The following TTC5 variants were observed in gnomAD, a reference collection of about 807,000 sequenced individuals.
TTC5 encodes the protein tetratricopeptide repeat protein 5.
In TTC5, 46 loss-of-function variants were observed where a neutral mutation model predicts 57.4. The ratio of observed to expected loss-of-function variants is 0.80; its 90% CI spans 0.63 to 1.03. The LOEUF (loss-of-function observed/expected upper bound fraction) is 1.03, where lower values mean the gene tolerates loss of function less well. Ranked by LOEUF, TTC5 falls within the 50% of genes least tolerant of loss-of-function variation. TTC5 has a pLI of 0.00. For synonymous variants in TTC5, 190 were observed against 203.5 expected, an observed-to-expected ratio of 0.93 and a Z score of 0.57; for missense variants, 504 against 528.1, an observed-to-expected ratio of 0.95 and a Z score of 0.45.
chr14:20,303,483 T>A (rs61995501), intron 1 of TTC5, among the ~76,000 whole-genome samples: 91,360 of 152,016 alleles, frequency 0.6, 29,379 homozygotes, highest in Non-Finnish European at 0.71. Flanking sequence ...TATAATCACT[T>A]CCCTTCGAGT....
In TTC5 at chr14:20,287,478, T is replaced by C. The variant is rs1183051369; in HGVS notation, c.*2149A>G. 1 of 152,226 alleles carries C rather than the reference T, an allele frequency of 6.6e-6. No homozygotes were observed. The highest frequency in any genetic ancestry group is 1.5e-5 in the Non-Finnish European group (1 of 68,030). The allele number at this position is 152,226 out of a possible 1,614,324, so 9.4% of individuals were successfully genotyped here. A position where few individuals can be genotyped will look rare whatever the true frequency, so the allele number is the denominator to read the frequency against. ...GGATGAATAAATTATGGTATAATCA[T>C]ACAATGAGATTTATATAGCTGTGAA... On this transcript the variant is annotated 3_prime_UTR_variant, in exon 10 of 10. Transcript: ENST00000258821.
At chr14:20,305,597 T>C (rs1382642579) in intron 1 of TTC5, 1 of 521,090 alleles carries the variant, frequency 1.9e-6, no homozygotes, top group Non-Finnish European at 3.4e-6. Context: ...CTATTCGCTA[T>C]GGATGAATCG....
rs756231881 is a variant in TTC5 at position 20,296,453 on chromosome 14, T to C, written c.640-7A>G. ...CTTTTCTGTCAACTTTCTCCTATAA[T>C]GGGATGAAAAGATTATCAGTGGATC... On this transcript the variant is annotated splice_region_variant and splice_polypyrimidine_tract_variant and intron_variant, in intron 5 of 9. Transcript: ENST00000258821. 2 of 1,607,526 alleles carry C rather than the reference T, an allele frequency of 1.2e-6. No homozygotes were observed. Among genetic ancestry groups the C allele is most frequent in the African/African-American group, 1.3e-5 (1 of 74,974 alleles).
At chr14:20,298,713 G>C (rs1882117234) in intron 5 of TTC5, 84 bp downstream of exon 5, 1 of 1,010,262 alleles carries the variant, frequency 9.9e-7, no homozygotes, top group African/African-American at 1.6e-5. Flanking sequence ...CATGATGCTT[G>C]CTAAAGGGCC....
chr14:20,292,011 C>T lies in TTC5; in HGVS notation c.1175G>A (p.Arg392Gln), dbSNP rs771848027. Residue 392 changes from arginine (R) to glutamine (Q), a missense_variant, in exon 9 of 10, where the codon CGG (arginine) becomes CAG (glutamine). Physicochemically the swap from Arg to Gln is conservative, Grantham distance 43 (BLOSUM62 1). Coordinates refer to ENST00000258821, the MANE Select transcript of TTC5 (RefSeq NM_138376.3). ...DSVAIPEPNL[R>Q]LHRIQHKGKD... ...TCCTTTGTGCTGAATTCGGTGAAGCCGCAGGTTGGGCTCAGGAATGGCTAC... is the reference window on the plus strand; with the variant it reads ...TCCTTTGTGCTGAATTCGGTGAAGCTGCAGGTTGGGCTCAGGAATGGCTAC... 5.7e-6 allele frequency: 9 copies of T among 1,590,254 alleles called. No individual in the cohort carries two copies. Among genetic ancestry groups the T allele is most frequent in the Middle Eastern group, 1.7e-4 (1 of 5,982 alleles).
At position 20,301,904 on chromosome 14, in the gene TTC5, T is replaced by A; in HGVS notation, c.113A>T (p.Asp38Val). Residue 38 changes from aspartate to valine, a missense_variant, in exon 2 of 10, where the codon GAT becomes GTT. Transcript: ENST00000258821. ...CACATCCTGTTGCTTCCTCCCAGCA[T>A]CCTCAACACTATGTGTCTCGAAATA... Reference protein sequence around the residue: ...DCYFETHSVEDAGRKQQDVQK... With the variant: ...DCYFETHSVEVAGRKQQDVQK... 1 of 1,614,138 alleles carries A rather than the reference T, an allele frequency of 6.2e-7. No individual in the cohort carries two copies. Among genetic ancestry groups the A allele is most frequent in the East Asian group, 2.2e-5 (1 of 44,882 alleles).
In TTC5 at chr14:20,300,445, A is replaced by G. The variant is rs558842792; in HGVS notation, c.396+162T>C. 79 of 606,980 alleles carry G rather than the reference A, an allele frequency of 1.3e-4. No homozygotes were observed. In the African/African-American group the frequency reaches 1.3e-3, roughly 10 times the overall value. The allele number at this position is 606,980 out of a possible 1,614,324, so 37.6% of individuals were successfully genotyped here. On this transcript the variant is annotated intron_variant, in intron 3 of 9. Coordinates refer to ENST00000258821, the MANE Select transcript of TTC5 (RefSeq NM_138376.3). ...CTTCCTTTCCCAGGCCCCTGCCTCT[A>G]TTTTCCTCATTCAGGTCTGCTCTCT...
At position 20,305,879 on chromosome 14, in the gene TTC5, G is replaced by A; in HGVS notation, c.51+8C>T. On this transcript the variant is annotated splice_region_variant and intron_variant, in intron 1 of 9. Transcript: ENST00000258821. ...AAAACACATACAGAATTTAATCTAC[G>A]GCCCCACCTGCAATTTCTGCAAGAT... is the stretch of plus-strand genomic sequence containing the variant. 1.2e-6 allele frequency: 2 copies of A among 1,613,540 alleles called. No homozygotes were observed. The highest frequency in any genetic ancestry group is 1.7e-6 in the Non-Finnish European group (2 of 1,179,728).
intron 7 of TTC5, 42 bp from the exon 8 acceptor site, chr14:20,295,568 G>A (rs749014883): frequency 1.4e-5 from 22 of 1,583,634 alleles, no homozygotes; most frequent in Non-Finnish European, 1.7e-5. Flanking sequence ...GAAACTAGTC[G>A]CCTTCCTTGA....
In TTC5 at chr14:20,289,008, T is replaced by C. The variant is rs1881896667; in HGVS notation, c.*619A>G. The C allele has an allele frequency of 6.6e-6, 1 of 151,720 alleles. No homozygotes were observed. Among genetic ancestry groups the C allele is most frequent in the Non-Finnish European group, 1.5e-5 (1 of 67,952 alleles). 9.4% of individuals were successfully genotyped at this position (151,720 alleles called of 1,614,324 possible). The stretch of plus-strand genomic sequence containing the variant: ...TGTCTATTGTCGGAATTCTTTTAAC[T>C]GGGAGAGAAATAAACTGCTTTGTAT... On this transcript the variant is annotated 3_prime_UTR_variant, in exon 10 of 10. Coordinates refer to ENST00000258821, the MANE Select transcript of TTC5 (RefSeq NM_138376.3).
chr14:20,294,925 ACTAAGTATAC>A (rs1882028482), intron 8 of TTC5: 1 of 203,042 alleles, frequency 4.9e-6, no homozygotes, highest in African/African-American at 2.3e-5. Context: ...ACTTTTCAGA[ACTAAGTATAC>A]CTAAGTACAA....
rs77760756 is a variant in TTC5, at chr14:20,302,777, C to G, written c.52-812G>C. 1.3e-3 allele frequency among the ~76,000 whole-genome samples: 197 copies of G among 152,270 alleles called. 1 individual carries two copies. The East Asian group carries it at 0.035, about 27-fold the overall frequency. On this transcript the variant is annotated intron_variant, in intron 1 of 9. Transcript: ENST00000258821. ...GACACCACAAGTAGAAAATTCCACA[C>G]CTGACACACAGTCAAAATGCGGTCA...
intron 1 of TTC5, among the ~76,000 whole-genome samples, chr14:20,304,138 T>C (rs1347149492): frequency 6.6e-6 from 1 of 152,218 alleles, no homozygotes; most frequent in East Asian, 1.9e-4. Context: ...GGAAAGGCCT[T>C]TAATCTGTTT....
In TTC5 at chr14:20,289,586, T is replaced by C; in HGVS notation, c.*41A>G. 6.3e-7 allele frequency: 1 copy of C among 1,585,744 alleles called. No homozygotes were observed. The highest frequency in any genetic ancestry group is 8.6e-7 in the Non-Finnish European group (1 of 1,164,974). On this transcript the variant is annotated 3_prime_UTR_variant, in exon 10 of 10. Coordinates refer to ENST00000258821, the MANE Select transcript of TTC5 (RefSeq NM_138376.3). The stretch of plus-strand genomic sequence containing the variant: ...GCTGGACCGGCTGTCCAGAGCCTTG[T>C]CTCCTCTCCTCCACTCCCTGTTGAG...
rs1329798219 is a variant in TTC5, at chr14:20,298,499, TAA to T, written c.639+296_639+297del. ...TTATTTTAATAGACTTTTTTCCCAT[TAA>T]AAAAGATGAACATGTTGAGGCAGCT... On this transcript the variant is annotated intron_variant, in intron 5 of 9. Coordinates refer to ENST00000258821, the MANE Select transcript of TTC5 (RefSeq NM_138376.3). Among the ~76,000 whole-genome samples, 23 of 152,314 alleles carry T rather than the reference TAA, an allele frequency of 1.5e-4. No homozygotes were observed. In the East Asian group the frequency reaches 3.1e-3, roughly 20 times the overall value.
intron 3 of TTC5, 68 bp from the exon 4 acceptor site, chr14:20,299,516 C>T (rs1252324955): frequency 6.5e-7 from 1 of 1,534,616 alleles, no homozygotes; most frequent in East Asian, 2.2e-5. Context: ...CTATTCTGAA[C>T]TCAGTCTTCT....
chr14:20,296,520 G>T, intron 5 of TTC5, 74 bp from the exon 6 acceptor site: 2 of 1,158,408 alleles, frequency 1.7e-6, no homozygotes, highest in Non-Finnish European at 2.6e-6. Context: ...CATGTCCTAC[G>T]CCTCCTCTTT....
rs370896704 is a variant in TTC5 at position 20,295,407 on chromosome 14, G to C, written c.963C>G (p.Leu321=). The change falls in exon 8 of 10, where the codon CTC becomes CTG. Residue 321 remains leucine, a synonymous_variant. Transcript: ENST00000258821. ...CAGGCTGAAGCGTACTCAGTGGCTT[G>C]AGCTCCAGGGTCACTTTCTGCCCAG... ...SASGQKVTLE[L]KPLSTLQPGV... 671 of 1,614,046 alleles carry C rather than the reference G, an allele frequency of 4.2e-4. 1 individual carries two copies. The highest frequency in any genetic ancestry group is 5.1e-4 in the Non-Finnish European group (605 of 1,180,038).
intron 3 of TTC5, 140 bp from the exon 4 acceptor site, chr14:20,299,588 C>T: frequency 2.2e-6 from 2 of 927,892 alleles, no homozygotes; most frequent in Non-Finnish European, 3.3e-6. Context: ...GAGTCTTGCT[C>T]TGTCACCCAG....
Sources: allele counts gnomAD v4.1 joint callset (sites outside exome capture counted in the v4.1 genomes callset), GRCh38; gene constraint gnomAD v4.1.1; transcripts MANE v1.5; gene names NCBI Gene and HGNC (gene_info 2026-07-23, HGNC 2026-07-21).